The following MED1 variants were observed in gnomAD, a reference collection of about 807,000 sequenced individuals.
MED1 encodes mediator of RNA polymerase II transcription subunit 1.
In MED1, 17 loss-of-function variants were observed where a neutral mutation model predicts 121.3. That is an observed-to-expected ratio of 0.14 (90% CI 0.10 to 0.21). MED1 has a LOEUF of 0.21. Among genes scored for constraint, MED1 ranks in the 10% least tolerant of loss-of-function variants. MED1 has a pLI of 1.00. For missense variants in MED1, 1,558 were observed against 1,919.4 expected (o/e 0.81, Z 3.52); for synonymous variants, 661 against 694.4 (o/e 0.95, Z 0.76).
chr17:39,423,553 A>G, intron 12 of MED1, 108 bp from the exon 13 acceptor site: 1 of 1,420,460 alleles, frequency 7.0e-7, no homozygotes, highest in Non-Finnish European at 9.9e-7. Flanking sequence ...CTTACTAAGC[A>G]TTTACTAGTA....
chr17:39,412,077 C>CA (rs2048360839), intron 16 of MED1, among the ~76,000 whole-genome samples: 1 of 151,628 alleles, frequency 6.6e-6, no homozygotes, highest in Admixed American at 6.6e-5. Flanking sequence ...TAGATCATCC[C>CA]AAACCTACAC....
At position 39,415,309 on chromosome 17, in the gene MED1, C is replaced by T; in HGVS notation, c.1328G>A (p.Cys443Tyr). ...GCTGAAACGAGACTCTGAGAGAGGA[C>T]ACACTTCAAATTGGAGAAGCCCAGG... ...DSPGLLQFEV[C>Y]PLSESRFSVS... Residue 443 changes from cysteine (C) to tyrosine (Y), a missense_variant, in exon 15 of 17, where the codon TGT becomes TAT. Physicochemically the swap from Cys to Tyr is radical, Grantham distance 194. Around this residue, in one of 5 missense-constraint regions of MED1, gnomAD observed 443 missense variants for 532.4 expected, o/e 0.83. Coordinates refer to ENST00000300651, the MANE Select transcript of MED1 (RefSeq NM_004774.4). 6.2e-7 allele frequency: 1 copy of T among 1,613,452 alleles called. No individual in the cohort carries two copies. The highest frequency in any genetic ancestry group is 8.5e-7 in the Non-Finnish European group (1 of 1,179,528).
At chr17:39,412,019 A>G (rs890991506) in intron 16 of MED1, among the ~76,000 whole-genome samples, 8 of 151,530 alleles carry the variant, frequency 5.3e-5, no homozygotes, top group African/African-American at 1.9e-4. Context: ...AAAAAAAAAA[A>G]AGAAAAGAAA....
intron 14 of MED1, among the ~76,000 whole-genome samples, chr17:39,419,093 T>C (rs761931176): frequency 2.6e-5 from 4 of 151,706 alleles, no homozygotes; most frequent in Non-Finnish European, 5.9e-5. Context: ...CCTGGTGTTT[T>C]GTTTTTGATT....
rs201223944 is a variant in MED1 at position 39,439,981 on chromosome 17, AGAAAGAAG to A, written c.399+397_399+404del. On this transcript the variant is annotated intron_variant, in intron 5 of 16. Coordinates refer to ENST00000300651, the MANE Select transcript of MED1 (RefSeq NM_004774.4). ...AGGAAAGAAGGAAAGAAAGAAAGAAAGAAAGAAGGAAGGAAGGAAGGAAGGAAGGAAGG... is the reference window on the plus strand; with the variant it reads ...AGGAAAGAAGGAAAGAAAGAAAGAAAGAAGGAAGGAAGGAAGGAAGGAAGG... Among the ~76,000 whole-genome samples, 837 of 119,586 alleles carry A rather than the reference AGAAAGAAG, an allele frequency of 7.0e-3. 11 individuals carry two copies. The highest frequency in any genetic ancestry group is 0.022 in the African/African-American group (716 of 32,008). The allele number at this position is 119,586 out of a possible 152,430, so 78.5% of individuals were successfully genotyped here. A position where few individuals can be genotyped will look rare whatever the true frequency, so the allele number is the denominator to read the frequency against.
At chr17:39,443,069 T>C (rs1265135855) in intron 3 of MED1, among the ~76,000 whole-genome samples, 1 of 149,874 alleles carries the variant, frequency 6.7e-6, no homozygotes, top group African/African-American at 2.5e-5. Flanking sequence ...TGGCGTGATT[T>C]TGGCTCACTG....
At chr17:39,425,751 G>A (rs1033769920) in intron 10 of MED1, among the ~76,000 whole-genome samples, 8 of 150,950 alleles carry the variant, frequency 5.3e-5, no homozygotes, top group South Asian at 2.1e-4. Context: ...GCAGTGAGCC[G>A]AAATCGCACC....
intron 10 of MED1, among the ~76,000 whole-genome samples, chr17:39,427,002 T>C (rs1446521000): frequency 6.6e-6 from 1 of 151,782 alleles, no homozygotes; most frequent in African/African-American, 2.4e-5. Context: ...TATGCTACAG[T>C]CTCAAACTCC....
chr17:39,449,066 C>G (rs1296442789), intron 1 of MED1, among the ~76,000 whole-genome samples: 2 of 151,354 alleles, frequency 1.3e-5, no homozygotes, highest in Non-Finnish European at 1.5e-5. Context: ...GACAGAGTAT[C>G]ACTCTGTAGC....
intron 9 of MED1, among the ~76,000 whole-genome samples, chr17:39,430,074 C>A (rs2048551535): frequency 6.6e-6 from 1 of 151,072 alleles, no homozygotes; most frequent in Admixed American, 6.6e-5. Flanking sequence ...CACAGCAAGA[C>A]CCTGTCTCAA....
intron 1 of MED1, 25 bp downstream of exon 1, chr17:39,451,013 C>G: frequency 6.2e-7 from 1 of 1,603,496 alleles, no homozygotes. Flanking sequence ...TGTCCCGCCC[C>G]CTCCTTTCCC....
At chr17:39,431,442 T>C (rs1476341162) in intron 8 of MED1, among the ~76,000 whole-genome samples, 1 of 151,992 alleles carries the variant, frequency 6.6e-6, no homozygotes, top group Non-Finnish European at 1.5e-5. Context: ...CACGCCCAGC[T>C]AATTTTTTGT....
At position 39,409,329 on chromosome 17, in the gene MED1, C is replaced by T. The variant is rs1206812076; in HGVS notation, c.2892G>A (p.Gly964=). The change falls in exon 17 of 17, where the codon GGG becomes GGA. Residue 964 remains glycine (G), a synonymous_variant. Coordinates refer to ENST00000300651, the MANE Select transcript of MED1 (RefSeq NM_004774.4). ...QGPLLTTGDL[G]KEKTQKRVKE... is the part of the protein sequence containing the mutation. Reference sequence around the variant, plus strand: ...TTACCCTCTTTTGAGTCTTTTCTTTCCCTAAGTCCCCAGTGGTCAGTAAAG... The same window carrying T: ...TTACCCTCTTTTGAGTCTTTTCTTTTCCTAAGTCCCCAGTGGTCAGTAAAG... 1.2e-6 allele frequency: 2 copies of T among 1,613,856 alleles called. No individual in the cohort carries two copies. The highest frequency in any genetic ancestry group is 1.3e-5 in the African/African-American group (1 of 74,842).
chr17:39,421,115 AT>A (rs1177219302), intron 13 of MED1, among the ~76,000 whole-genome samples: 21 of 144,194 alleles, frequency 1.5e-4, no homozygotes, highest in Non-Finnish European at 9.1e-5. Flanking sequence ...TAATTTTTGT[AT>A]TTTTTTTTTG....
At chr17:39,411,845 G>A (rs1375531462) in intron 16 of MED1, among the ~76,000 whole-genome samples, 1 of 151,354 alleles carries the variant, frequency 6.6e-6, no homozygotes, top group Admixed American at 6.6e-5. Flanking sequence ...CTAAAAAAAA[G>A]AAAAAATACA....
intron 7 of MED1, among the ~76,000 whole-genome samples, chr17:39,432,554 C>T (rs1435498675): frequency 6.6e-6 from 1 of 151,182 alleles, no homozygotes; most frequent in Non-Finnish European, 1.5e-5. Flanking sequence ...TTGAGACCAG[C>T]CTGGGCAACA....
Position 39,451,104 on chromosome 17 carries a change from G to A in MED1, c.-42C>T. The stretch of plus-strand genomic sequence containing the variant: ...AGCTAGATCCGCCACAAAAGGATAA[G>A]CCCTTCCCCACCACTAACGGAGGAA... On this transcript the variant is annotated 5_prime_UTR_variant, in exon 1 of 17. Coordinates refer to ENST00000300651, the MANE Select transcript of MED1 (RefSeq NM_004774.4). 1.2e-6 allele frequency: 2 copies of A among 1,605,040 alleles called. No homozygotes were observed. Among genetic ancestry groups the A allele is most frequent in the Non-Finnish European group, 1.7e-6 (2 of 1,175,798 alleles).
At chr17:39,437,875 G>A (rs533842858) in intron 6 of MED1, among the ~76,000 whole-genome samples, 12 of 151,724 alleles carry the variant, frequency 7.9e-5, no homozygotes, top group Admixed American at 2.0e-4. Flanking sequence ...CAGAGGATGC[G>A]GTGAGCCAAG....
rs528207521 is a variant in MED1, at chr17:39,408,746, T to C, written c.3475A>G (p.Thr1159Ala). The change falls in exon 17 of 17, where the codon ACC becomes GCC. Residue 1159 changes from threonine (T) to alanine (A), a missense_variant. Coordinates refer to ENST00000300651, the MANE Select transcript of MED1 (RefSeq NM_004774.4). This position sits in a 1 kb window ranked among gnomAD's most constrained non-coding sequence, Gnocchi z 4.7. ...GAGCCACTGCTCAGTCCATGCTTGGTTATGGGAGAGGAGCCTGGCTTCCCC... is the reference window on the plus strand; with the variant it reads ...GAGCCACTGCTCAGTCCATGCTTGGCTATGGGAGAGGAGCCTGGCTTCCCC... ...SGGKPGSSPI[T>A]KHGLSSGSSS... is the part of the protein sequence containing the mutation. The C allele has an allele frequency of 6.2e-7, 1 of 1,614,164 alleles. No homozygotes were observed. The highest frequency in any genetic ancestry group is 2.2e-5 in the East Asian group (1 of 44,882).
Sources: gnomAD v4.1 joint callset for allele counts (sites outside exome capture counted in the v4.1 genomes callset) on GRCh38, gnomAD v4.1.1 for gene constraint, gnomAD v4.1.1 regional missense constraint, Gnocchi (gnomAD v3.1) non-coding constraint, MANE v1.5 for transcripts, NCBI Gene and HGNC (gene_info 2026-07-23, HGNC 2026-07-21) for gene names.